CSMD1: variants seen among roughly 807,000 people sequenced by gnomAD.
CSMD1 encodes CUB and Sushi multiple domains 1.
CSMD1 carries 213 observed loss-of-function variants against 417.5 expected under a neutral mutation model. The ratio of observed to expected loss-of-function variants is 0.51; its 90% CI spans 0.46 to 0.57. The LOEUF is 0.57. CSMD1 is among the 20% of genes least tolerant of loss of function. CSMD1 has a pLI of 0.00. For missense variants in CSMD1, 6,923 were observed against 4,529.7 expected (o/e 1.53, Z -15.17); for synonymous variants, 2,862 against 1,736.8 (o/e 1.65, Z -16.11).
chr8:3,098,238 CT>C (rs1563337334), intron 46 of CSMD1, among the ~76,000 whole-genome samples: 6 of 152,036 alleles, frequency 3.9e-5, no homozygotes, highest in Non-Finnish European at 5.9e-5. Flanking sequence ...TGAAAAAGAG[CT>C]TTTGTTAAAT....
chr8:4,842,106 G>A (rs1177510539), intron 1 of CSMD1, among the ~76,000 whole-genome samples: 1 of 152,110 alleles, frequency 6.6e-6, no homozygotes, highest in African/African-American at 2.4e-5. Context: ...TATGAGAGAT[G>A]TAAAAAGGTG....
intron 5 of CSMD1, among the ~76,000 whole-genome samples, chr8:3,954,277 G>A (rs1811780884): frequency 6.6e-6 from 1 of 152,344 alleles, no homozygotes; most frequent in South Asian, 2.1e-4. Flanking sequence ...CTTAGAACAG[G>A]AAAGGAAGGT....
intron 47 of CSMD1, among the ~76,000 whole-genome samples, chr8:3,093,781 C>T (rs973185655): frequency 2.0e-5 from 3 of 152,074 alleles, no homozygotes; most frequent in Admixed American, 2.0e-4. Flanking sequence ...CCAAAACTAG[C>T]ATATTAAATA....
At chr8:3,006,899 C>A (rs1415187638) in intron 52 of CSMD1, among the ~76,000 whole-genome samples, 1 of 140,968 alleles carries the variant, frequency 7.1e-6, no homozygotes, top group Non-Finnish European at 1.5e-5. Context: ...AAAGCAATGG[C>A]AACAAAAGAC....
intron 25 of CSMD1, among the ~76,000 whole-genome samples, chr8:3,288,710 A>G: frequency 6.9e-6 from 1 of 145,474 alleles, no homozygotes; most frequent in Non-Finnish European, 1.5e-5. Context: ...ATTTTTCTTG[A>G]TAGCAGTTTA....
chr8:4,677,890 G>A (rs1322242949), intron 1 of CSMD1, among the ~76,000 whole-genome samples: 1 of 152,160 alleles, frequency 6.6e-6, no homozygotes, highest in Non-Finnish European at 1.5e-5. Context: ...TCTGAATGCT[G>A]TAAAGTGTGA....
intron 12 of CSMD1, among the ~76,000 whole-genome samples, chr8:3,409,997 C>G (rs1046800024): frequency 5.7e-4 from 86 of 152,172 alleles, no homozygotes; most frequent in Non-Finnish European, 8.8e-5. Flanking sequence ...AAATAATATT[C>G]TTCATTCCCT....
chr8:3,304,753 T>C (rs959919562), intron 25 of CSMD1, among the ~76,000 whole-genome samples: 2 of 151,970 alleles, frequency 1.3e-5, no homozygotes, highest in African/African-American at 4.8e-5. Flanking sequence ...TTTATTAAAA[T>C]GTTAACAAAG....
In CSMD1 at chr8:3,054,455, C is replaced by A. The variant is rs572364432; in HGVS notation, c.7475-1808G>T. Among the ~76,000 whole-genome samples, 20 of 152,046 alleles carry A rather than the reference C, an allele frequency of 1.3e-4. No individual in the cohort carries two copies. The South Asian group carries it at 4.2e-3, about 32-fold the overall frequency. ...CAACATGGTGAAACCCTGTCTCTAC[C>A]AAAAATACAAAAATTAGGCAGATGT... is the stretch of plus-strand genomic sequence containing the variant. On this transcript the variant is annotated intron_variant, in intron 49 of 69. Transcript: ENST00000635120.
intron 10 of CSMD1, among the ~76,000 whole-genome samples, chr8:3,527,696 G>A (rs917936666): frequency 1.3e-5 from 2 of 152,118 alleles, no homozygotes; most frequent in African/African-American, 4.8e-5. Flanking sequence ...TTGGCTTAGA[G>A]CAATGTGACC....
Position 2,938,309 on chromosome 8 carries a change from G to A in CSMD1, c.*276C>T, listed in dbSNP as rs1413781812. ...GGCATTGAGTATGACGTGTTGGCGCGACGTGGCAGTCTTCCTGGAGTGTGC... is the reference window on the plus strand; with the variant it reads ...GGCATTGAGTATGACGTGTTGGCGCAACGTGGCAGTCTTCCTGGAGTGTGC... On this transcript the variant is annotated 3_prime_UTR_variant, in exon 70 of 70. Transcript: ENST00000635120. 1.0e-4 allele frequency: 37 copies of A among 369,008 alleles called. 1 individual carries two copies. Among genetic ancestry groups the A allele is most frequent in the East Asian group, 1.0e-3 (23 of 23,020 alleles). The allele number at this position is 369,008 out of a possible 1,614,324, so 22.9% of individuals were successfully genotyped here.
chr8:3,854,198 C>T (rs542910051), intron 5 of CSMD1, among the ~76,000 whole-genome samples: 4 of 147,506 alleles, frequency 2.7e-5, no homozygotes, highest in East Asian at 3.9e-4. Flanking sequence ...GACCAATTCT[C>T]ATGCTTTGGG....
intron 3 of CSMD1, among the ~76,000 whole-genome samples, chr8:4,264,612 G>C (rs994221027): frequency 6.6e-6 from 1 of 152,114 alleles, no homozygotes; most frequent in African/African-American, 2.4e-5. Flanking sequence ...GTAGATAGCA[G>C]TAAGGGTTTC....
At chr8:3,462,430 T>C (rs1816563782) in intron 12 of CSMD1, among the ~76,000 whole-genome samples, 1 of 152,146 alleles carries the variant, frequency 6.6e-6, no homozygotes, top group Admixed American at 6.5e-5. Context: ...CCACCTGAGC[T>C]CTGCCTCCCA....
chr8:4,833,444 C>T (rs1245916154), intron 1 of CSMD1, among the ~76,000 whole-genome samples: 2 of 152,190 alleles, frequency 1.3e-5, no homozygotes, highest in East Asian at 1.9e-4. Flanking sequence ...ATCCAATCAC[C>T]TCTCACTAGG....
intron 3 of CSMD1, among the ~76,000 whole-genome samples, chr8:4,354,035 A>T (rs1313142851): frequency 1.3e-5 from 2 of 152,174 alleles, no homozygotes; most frequent in African/African-American, 4.8e-5. Flanking sequence ...TTTCCTCTCC[A>T]TACCAGTGTC....
intron 5 of CSMD1, among the ~76,000 whole-genome samples, chr8:3,782,063 G>C (rs1385415778): frequency 6.6e-6 from 1 of 152,072 alleles, no homozygotes; most frequent in Admixed American, 6.5e-5. Context: ...CTTAATACTT[G>C]GAAGGAGAGT....
chr8:3,278,287 TA>T (rs1159040290), intron 26 of CSMD1: 1 of 152,214 alleles, frequency 6.6e-6, no homozygotes, highest in Non-Finnish European at 1.5e-5. Context: ...AATTATTTTT[TA>T]AAATGTACTT....
chr8:3,084,895 ATTTTG>A (rs758919551), intron 49 of CSMD1, among the ~76,000 whole-genome samples: 6 of 151,140 alleles, frequency 4.0e-5, no homozygotes, highest in African/African-American at 1.5e-4. Context: ...TTTTTGCTAC[ATTTTG>A]TTTTGTTTTA....
Sources: allele counts gnomAD v4.1 joint callset (sites outside exome capture counted in the v4.1 genomes callset), GRCh38; gene constraint gnomAD v4.1.1; transcripts MANE v1.5; gene names NCBI Gene and HGNC (gene_info 2026-07-23, HGNC 2026-07-21).